TENM1: variants seen among roughly 807,000 people sequenced by gnomAD.
The protein encoded by TENM1 is teneurin transmembrane protein 1.
In TENM1, 35 loss-of-function variants were observed where a neutral mutation model predicts 174.8. The ratio of observed to expected loss-of-function variants is 0.20; its 90% CI spans 0.15 to 0.27. The LOEUF (loss-of-function observed/expected upper bound fraction) is 0.27. TENM1 is among the 10% of genes least tolerant of loss of function. TENM1 has a pLI of 1.00. For missense variants in TENM1, 1,633 were observed against 2,130.1 expected (o/e 0.77, Z 4.59); for synonymous variants, 781 against 798.7 (o/e 0.98, Z 0.37).
intron 1 of TENM1, among the ~76,000 whole-genome samples, chrX:124,952,972 G>A (rs1449848241): frequency 9.0e-6 from 1 of 111,208 alleles, no homozygotes; most frequent in Non-Finnish European, 1.9e-5. Context: ...AGGTCTCAAG[G>A]GATTCAAAGT....
intron 14 of TENM1, among the ~76,000 whole-genome samples, chrX:124,553,967 G>T (rs948767469): frequency 1.8e-5 from 2 of 110,924 alleles, no homozygotes; most frequent in African/African-American, 6.6e-5. Flanking sequence ...TAGCTGGGGG[G>T]TGAGGGTGGC....
At chrX:124,457,258 G>A (rs1220462018) in intron 22 of TENM1, among the ~76,000 whole-genome samples, 1 of 112,115 alleles carries the variant, frequency 8.9e-6, no homozygotes. Context: ...TTGTAAATTA[G>A]TGCATATAAT....
intron 15 of TENM1, among the ~76,000 whole-genome samples, chrX:124,543,629 A>G (rs1028880882): frequency 8.9e-6 from 1 of 112,351 alleles, no homozygotes; most frequent in Non-Finnish European, 1.9e-5. Flanking sequence ...ACCTATTTAC[A>G]TTTTTAAAAA....
At chrX:125,171,311 G>T in the TENM1 span, among the ~76,000 whole-genome samples, 17 of 110,219 alleles carry the variant, frequency 1.5e-4, no homozygotes, top group Non-Finnish European at 3.8e-5. Context: ...GTCAAACAAG[G>T]ACTTGCTTCA....
At chrX:124,437,554 G>A (rs2060857167) in intron 23 of TENM1, among the ~76,000 whole-genome samples, 2 of 111,530 alleles carry the variant, frequency 1.8e-5, no homozygotes, top group African/African-American at 3.3e-5. Flanking sequence ...TTTCATGGTC[G>A]ATCATGTGAC....
At position 124,797,405 on chromosome X, in the gene TENM1, T is replaced by C. The variant is rs771649109; in HGVS notation, c.536-60208A>G. ...TTCCACTGGCTTTTTAGTCACTAGG[T>C]ATTCCTAGAGACTTGTCCATCCAGA... On this transcript the variant is annotated intron_variant, in intron 3 of 31. Coordinates refer to ENST00000422452, the Ensembl canonical transcript of TENM1. Among the ~76,000 whole-genome samples, 8 of 111,708 alleles carry C rather than the reference T, an allele frequency of 7.2e-5. No individual in the cohort carries two copies. In the South Asian group the frequency reaches 3.0e-3, roughly 42 times the overall value.
chrX:124,463,720 G>T (rs750662621), intron 22 of TENM1, among the ~76,000 whole-genome samples: 1 of 110,968 alleles, frequency 9.0e-6, no homozygotes, highest in Non-Finnish European at 1.9e-5. Flanking sequence ...GTTCCATGCC[G>T]TGCAACTCGC....
intron 22 of TENM1, among the ~76,000 whole-genome samples, chrX:124,465,056 T>C (rs2061226615): frequency 8.9e-6 from 1 of 111,798 alleles, no homozygotes; most frequent in African/African-American, 3.3e-5. Flanking sequence ...GATCCAGTTG[T>C]GAGACTGACT....
chrX:124,943,805 T>A (rs1430689172), intron 1 of TENM1, among the ~76,000 whole-genome samples: 1 of 111,978 alleles, frequency 8.9e-6, no homozygotes, highest in Non-Finnish European at 1.9e-5. Context: ...TTCTCATGAA[T>A]TGTTTACTTT....
rs1245897624 is a variant in TENM1, at chrX:124,425,650, A to T, written c.4105-3012T>A. Among the ~76,000 whole-genome samples, 6 of 112,318 alleles carry T rather than the reference A, an allele frequency of 5.3e-5. No individual in the cohort carries two copies. In the Admixed American group the frequency reaches 5.7e-4, roughly 11 times the overall value. ...AGCTAAATAAATGTTTTTCTTCATA[A>T]ATTACCCAGTCTGTGATATTCTGTT... On this transcript the variant is annotated intron_variant, in intron 23 of 31. Coordinates refer to ENST00000422452, the Ensembl canonical transcript of TENM1.
chrX:124,929,893 C>CAAAAT (rs2058144651), intron 1 of TENM1, among the ~76,000 whole-genome samples: 1 of 111,811 alleles, frequency 8.9e-6, no homozygotes. Context: ...TCTGAATGAG[C>CAAAAT]AAAATAAGCC....
the TENM1 span, among the ~76,000 whole-genome samples, chrX:125,173,608 T>C: frequency 9.0e-6 from 1 of 111,324 alleles, no homozygotes; most frequent in Admixed American, 9.6e-5. Flanking sequence ...TGGAACTCAT[T>C]AATTCTGGAT....
chrX:125,112,986 A>T, the TENM1 span, among the ~76,000 whole-genome samples: 8 of 111,011 alleles, frequency 7.2e-5, no homozygotes, highest in Non-Finnish European at 1.1e-4. Context: ...GACCTAGAAA[A>T]GCCTAAATGA....
chrX:124,490,467 C>T (rs2047042473), intron 20 of TENM1, among the ~76,000 whole-genome samples: 1 of 112,112 alleles, frequency 8.9e-6, no homozygotes, highest in Non-Finnish European at 1.9e-5. Context: ...AGCATTCTAA[C>T]TGCCCCTAAA....
chrX:124,379,256 C>T (rs984315365), exon 32 of TENM1: 3 of 112,235 alleles, frequency 2.7e-5, no homozygotes, highest in Middle Eastern at 4.7e-3. Flanking sequence ...TGGGTAAGTA[C>T]GGAGAACGAA....
rs529581902 is a variant in TENM1, at chrX:124,863,952, A to C, written c.535+30344T>G. 8.9e-5 allele frequency among the ~76,000 whole-genome samples: 10 copies of C among 112,359 alleles called. No individual in the cohort carries two copies. In the South Asian group the frequency reaches 3.7e-3, roughly 42 times the overall value. On this transcript the variant is annotated intron_variant, in intron 3 of 31. Coordinates refer to ENST00000422452, the Ensembl canonical transcript of TENM1. ...AGAGAAAGTAAGGGAACAGAACAAG[A>C]ATCTCTGCGTGATAATCCAGAGAAC...
chrX:125,040,624 C>T, the TENM1 span, among the ~76,000 whole-genome samples: 382 of 111,344 alleles, frequency 3.4e-3, no homozygotes, highest in African/African-American at 0.012. Context: ...TTTAAAACAT[C>T]ACTAGATGTA....
intron 8 of TENM1, among the ~76,000 whole-genome samples, chrX:124,650,133 C>A (rs555767086): frequency 1.1e-5 from 1 of 91,246 alleles, no homozygotes; most frequent in Non-Finnish European, 2.0e-5. Flanking sequence ...ACCCAGGAGG[C>A]GAAGGTTGCA....
At chrX:124,744,572 T>C (rs1029552481) in intron 3 of TENM1, among the ~76,000 whole-genome samples, 1 of 111,997 alleles carries the variant, frequency 8.9e-6, no homozygotes, top group Non-Finnish European at 1.9e-5. Context: ...AATGATATTG[T>C]GGCTTCTGTT....
Sources: allele counts gnomAD v4.1 joint callset (sites outside exome capture counted in the v4.1 genomes callset), GRCh38; gene constraint gnomAD v4.1.1; transcripts MANE v1.5; gene names NCBI Gene and HGNC (gene_info 2026-07-23, HGNC 2026-07-21).